The following DHRS4L2 variants were observed in gnomAD, a reference collection of about 807,000 sequenced individuals.
DHRS4L2 encodes dehydrogenase/reductase SDR family member 4-like 2.
Under a neutral mutation model 23.9 loss-of-function variants are expected in DHRS4L2, and 22 were observed. The observed-to-expected ratio is 0.92, with a 90% confidence interval of 0.66 to 1.31. DHRS4L2 has a LOEUF of 1.31. Among genes scored for constraint, DHRS4L2 ranks in the 40% most tolerant of loss-of-function variants. The pLI, the probability that DHRS4L2 is intolerant of heterozygous loss-of-function variation, is 0.00. For synonymous variants in DHRS4L2, 141 were observed against 123.7 expected, an observed-to-expected ratio of 1.14 and a Z score of -0.93; for missense variants, 385 against 303.3, an observed-to-expected ratio of 1.27 and a Z score of -2.00.
chr14:24,001,169 C>T (rs1243457256), intron 5 of DHRS4L2, 85 bp downstream of exon 5: 42 of 1,606,508 alleles, frequency 2.6e-5, no homozygotes, highest in Non-Finnish European at 3.5e-5. Flanking sequence ...AAGTTTGTGT[C>T]CCCTTGTAGA....
At chr14:23,988,909 C>T (rs373922418), upstream of DHRS4L2, 4 of 1,606,952 alleles carry the variant, frequency 2.5e-6, no homozygotes, top group Non-Finnish European at 3.4e-6. Context: ...CTGTCACCTC[C>T]GCTGGAAGGA....
At chr14:24,005,816 C>G (rs2034563775) in intron 7 of DHRS4L2, 70 bp from the exon 8 acceptor site, 3 of 1,582,952 alleles carry the variant, frequency 1.9e-6, no homozygotes, top group Non-Finnish European at 2.6e-6. Context: ...AATTTAACTC[C>G]CCGTGTCCCA....
At chr14:23,989,980 A>C (rs901334834) in intron 1 of DHRS4L2, among the ~76,000 whole-genome samples, 1 of 151,836 alleles carries the variant, frequency 6.6e-6, no homozygotes, top group Admixed American at 6.5e-5. Context: ...TAAGGCTGTG[A>C]TCCAGGTCAT....
chr14:23,987,469 A>G (rs1195158605), upstream of DHRS4L2, among the ~76,000 whole-genome samples: 1 of 151,584 alleles, frequency 6.6e-6, no homozygotes, highest in Non-Finnish European at 1.5e-5. Context: ...TGACCTGCAC[A>G]TATACTAAAT....
chr14:23,972,724 A>G (rs1224299977), intron 1 of DHRS4L2, among the ~76,000 whole-genome samples: 1 of 151,984 alleles, frequency 6.6e-6, no homozygotes, highest in Non-Finnish European at 1.5e-5. Context: ...CTGCACCGGC[A>G]CCGGTCTCTG....
Position 24,000,554 on chromosome 14 carries a change from CAG to C in DHRS4L2, c.409-305_409-304del, listed in dbSNP as rs1468524394. ...CCAGGCTCTACCTACTTGGAAGAAACAGAGAAAACACAGCTCAAATCCAAAGG... is the reference window on the plus strand; with the variant it reads ...CCAGGCTCTACCTACTTGGAAGAAACAGAAAACACAGCTCAAATCCAAAGG... On this transcript the variant is annotated intron_variant, in intron 3 of 7. Coordinates refer to ENST00000335125, the MANE Select transcript of DHRS4L2 (RefSeq NM_198083.4). 1.1e-4 allele frequency among the ~76,000 whole-genome samples: 16 copies of C among 151,980 alleles called. 1 individual carries two copies. The highest frequency in any genetic ancestry group is 2.2e-4 in the African/African-American group (9 of 41,474).
At chr14:23,995,500 A>G (rs2034362899) in intron 3 of DHRS4L2, among the ~76,000 whole-genome samples, 1 of 151,890 alleles carries the variant, frequency 6.6e-6, no homozygotes, top group Non-Finnish European at 1.5e-5. Context: ...TTTTCAGCTG[A>G]CAAAAACTAA....
At chr14:23,992,451 CAT>C (rs1420304414) in intron 2 of DHRS4L2, among the ~76,000 whole-genome samples, 2 of 151,518 alleles carry the variant, frequency 1.3e-5, no homozygotes, top group Non-Finnish European at 2.9e-5. Context: ...CCAGTTGCCA[CAT>C]GTTACCCTGC....
At chr14:23,973,105 A>T (rs1277722924) in intron 1 of DHRS4L2, among the ~76,000 whole-genome samples, 4 of 151,894 alleles carry the variant, frequency 2.6e-5, no homozygotes, top group Non-Finnish European at 5.9e-5. Flanking sequence ...TCTCGACTGC[A>T]AGAGGCTTTC....
At chr14:23,988,064 C>G (rs2034186310), upstream of DHRS4L2, among the ~76,000 whole-genome samples, 1 of 151,406 alleles carries the variant, frequency 6.6e-6, no homozygotes, top group Non-Finnish European at 1.5e-5. Flanking sequence ...CCCAGGGCAC[C>G]AATAATAATC....
intron 7 of DHRS4L2, among the ~76,000 whole-genome samples, chr14:24,005,656 A>G (rs1482743135): frequency 1.3e-5 from 2 of 151,882 alleles, no homozygotes; most frequent in African/African-American, 4.8e-5. Context: ...GTGTGTTTCT[A>G]TAGTATTTGA....
At position 23,990,184 on chromosome 14, in the gene DHRS4L2, T is replaced by C; in HGVS notation, c.131T>C (p.Ile44Thr). The change falls in exon 2 of 8, where the codon ATC becomes ACC. Residue 44 changes from isoleucine to threonine, a missense_variant and splice_region_variant. Physicochemically the swap from Ile to Thr is moderately conservative, Grantham distance 89 (BLOSUM62 -1). Transcript: ENST00000335125. Reference protein sequence around the residue: ...VALVTASTDGIGFAIARRLAQ... With the variant: ...VALVTASTDGTGFAIARRLAQ... ...TCTTTGTCTCTTTCTGCTCACAGGA[T>C]CGGCTTCGCCATCGCCCGGCGTTTG... 2 of 1,612,730 alleles carry C rather than the reference T, an allele frequency of 1.2e-6. No individual in the cohort carries two copies. Among genetic ancestry groups the C allele is most frequent in the East Asian group, 2.2e-5 (1 of 44,884 alleles).
At chr14:23,975,123 T>C (rs563001497) in intron 1 of DHRS4L2, among the ~76,000 whole-genome samples, 2 of 151,714 alleles carry the variant, frequency 1.3e-5, no homozygotes, top group East Asian at 3.9e-4. Context: ...GGTATTCAAT[T>C]AGGAAAAGAG....
Position 23,989,055 on chromosome 14 carries a change from G to A in DHRS4L2, c.108G>A (p.Leu36=), listed in dbSNP as rs753726717. Residue 36 remains leucine, a synonymous_variant, in exon 1 of 8, where the codon CTG becomes CTA. Coordinates refer to ENST00000335125, the MANE Select transcript of DHRS4L2 (RefSeq NM_198083.4). The part of the protein sequence containing the change: ...RRDPLTNKVA[L]VTASTDGIGF... ...ACCCGCTCACAAATAAGGTGGCCCT[G>A]GTAACGGCCTCCACCGACGGGTGAG... 6.3e-7 allele frequency: 1 copy of A among 1,585,834 alleles called. No homozygotes were observed.
intron 3 of DHRS4L2, 124 bp from the exon 4 acceptor site, chr14:24,000,739 T>C (rs2034469425): frequency 2.4e-6 from 2 of 820,422 alleles, no homozygotes; most frequent in South Asian, 1.8e-5. Context: ...GATGCAGGTA[T>C]ATCATCCTAA....
intron 1 of DHRS4L2, among the ~76,000 whole-genome samples, chr14:23,977,145 TTAA>T (rs2033982872): frequency 6.6e-6 from 1 of 151,892 alleles, no homozygotes; most frequent in Non-Finnish European, 1.5e-5. Flanking sequence ...TCTCACAAAA[TTAA>T]TAATCCATTC....
rs1440738335 is a variant in DHRS4L2, at chr14:23,993,121, A to G, written c.307-1911A>G. Among the ~76,000 whole-genome samples, 4 of 150,588 alleles carry G rather than the reference A, an allele frequency of 2.7e-5. 1 individual carries two copies. Among genetic ancestry groups the G allele is most frequent in the African/African-American group, 7.3e-5 (3 of 41,038 alleles). ...TCTCCAGGTGATTCTAGAGCAATCCATTGTCTCCTCCCAGCCCAAACACAT... is the reference window on the plus strand; with the variant it reads ...TCTCCAGGTGATTCTAGAGCAATCCGTTGTCTCCTCCCAGCCCAAACACAT... On this transcript the variant is annotated intron_variant, in intron 2 of 7. Coordinates refer to ENST00000335125, the MANE Select transcript of DHRS4L2 (RefSeq NM_198083.4).
intron 1 of DHRS4L2, 61 bp downstream of exon 1, chr14:23,989,136 CG>C: frequency 6.5e-7 from 1 of 1,539,690 alleles, no homozygotes. Context: ...ACTGGTGTCT[CG>C]TCCTTTGCCT....
intron 1 of DHRS4L2, among the ~76,000 whole-genome samples, chr14:23,975,565 A>C (rs2033949912): frequency 6.6e-6 from 1 of 151,942 alleles, no homozygotes; most frequent in Middle Eastern, 3.4e-3. Context: ...TTCCTCACAG[A>C]ATTGGAAAAA....
Sources: gnomAD v4.1 joint callset for allele counts (sites outside exome capture counted in the v4.1 genomes callset) on GRCh38, gnomAD v4.1.1 for gene constraint, MANE v1.5 for transcripts, NCBI Gene and HGNC (gene_info 2026-07-23, HGNC 2026-07-21) for gene names.